The following VSIG4 variants were observed in gnomAD, a reference collection of about 807,000 sequenced individuals.
The protein encoded by VSIG4 is V-set and immunoglobulin domain containing 4.
In VSIG4, 34 loss-of-function variants were observed where a neutral mutation model predicts 23.4. That is an observed-to-expected ratio of 1.45 (90% CI 1.10 to 1.93). VSIG4 has a LOEUF of 1.93. Among genes scored for constraint, VSIG4 ranks in the 30% most tolerant of loss-of-function variants. The pLI, the probability that VSIG4 is intolerant of heterozygous loss-of-function variation, is 0.00. For synonymous variants in VSIG4, 169 were observed against 120.3 expected (o/e 1.41, Z -2.65); for missense variants, 433 against 310.8 (o/e 1.39, Z -2.96).
chrX:66,037,709 T>G (rs1280720440), intron 1 of VSIG4, among the ~76,000 whole-genome samples: 1 of 93,352 alleles, frequency 1.1e-5, no homozygotes, highest in Non-Finnish European at 2.1e-5. Flanking sequence ...TACTTATTAC[T>G]GATAAGTATA....
In VSIG4 at chrX:66,039,926, C is replaced by A. The variant is rs780563578; in HGVS notation, c.55+18G>T. On this transcript the variant is annotated intron_variant, in intron 1 of 7. Coordinates refer to ENST00000374737, the MANE Select transcript of VSIG4 (RefSeq NM_007268.3). ...GCCTAAGCCAGCAATGGCAGCCAGG[C>A]CCCCCTTTCTGCCTTACCATAAGTG... is the stretch of plus-strand genomic sequence containing the variant. The A allele has an allele frequency of 8.3e-6, 10 of 1,208,045 alleles. No individual in the cohort carries two copies. In the African/African-American group the frequency reaches 1.4e-4, roughly 17 times the overall value.
rs1327252802 is a variant in VSIG4 at position 66,022,062 on chromosome X, C to T, written c.*201G>A. 3 of 1,162,062 alleles carry T rather than the reference C, an allele frequency of 2.6e-6. No homozygotes were observed. The highest frequency in any genetic ancestry group is 2.4e-4 in the Middle Eastern group (1 of 4,225). On this transcript the variant is annotated 3_prime_UTR_variant, in exon 8 of 8. Coordinates refer to ENST00000374737, the MANE Select transcript of VSIG4 (RefSeq NM_007268.3). Reference sequence around the variant, plus strand: ...CCCCGGCAGAGATACTAGAAGGGCCCAGAGCCAAATCCAGCAGCTGGCTTA... The same window carrying T: ...CCCCGGCAGAGATACTAGAAGGGCCTAGAGCCAAATCCAGCAGCTGGCTTA...
At chrX:66,032,367 T>A in intron 3 of VSIG4, 101 bp downstream of exon 3, 11 of 1,021,741 alleles carry the variant, frequency 1.1e-5, no homozygotes, top group Admixed American at 3.0e-5. Context: ...CTGCTTGGGA[T>A]CCTCCTCTCC....
intron 3 of VSIG4, among the ~76,000 whole-genome samples, chrX:66,029,931 C>G (rs1243730433): frequency 9.0e-6 from 1 of 111,272 alleles, no homozygotes; most frequent in South Asian, 3.7e-4. Flanking sequence ...CATCAGACTA[C>G]AGGTGATATT....
At chrX:66,030,360 G>A (rs752849581) in intron 3 of VSIG4, among the ~76,000 whole-genome samples, 171 of 111,651 alleles carry the variant, frequency 1.5e-3, no homozygotes, top group African/African-American at 5.1e-3. Flanking sequence ...GTGGCAGATG[G>A]AGAGAAAGAT....
At chrX:66,037,454 A>G (rs1162132069) in intron 1 of VSIG4, among the ~76,000 whole-genome samples, 1 of 15,182 alleles carries the variant, frequency 6.6e-5, no homozygotes, top group African/African-American at 4.0e-4. Flanking sequence ...ATATAATTAT[A>G]TAATAATATA....
At chrX:66,023,772 C>T (rs890287103) in intron 6 of VSIG4, among the ~76,000 whole-genome samples, 5 of 112,320 alleles carry the variant, frequency 4.5e-5, no homozygotes, top group Non-Finnish European at 9.4e-5. Flanking sequence ...AGAAAATTGG[C>T]TAGACCCACA....
chrX:66,036,920 A>G (rs1384697227), intron 1 of VSIG4, among the ~76,000 whole-genome samples: 2 of 26,413 alleles, frequency 7.6e-5, no homozygotes, highest in South Asian at 2.2e-3. Flanking sequence ...TATATGATAT[A>G]TTATATTATA....
At chrX:66,038,446 G>A (rs2085645123) in intron 1 of VSIG4, among the ~76,000 whole-genome samples, 1 of 108,576 alleles carries the variant, frequency 9.2e-6, no homozygotes, top group Admixed American at 9.9e-5. Context: ...ATAGGCTGGG[G>A]AAGGAACAAG....
rs1233120238 is a variant in VSIG4 at position 66,033,810 on chromosome X, G to A, written c.76C>T (p.Pro26Ser). 1.7e-6 allele frequency: 2 copies of A among 1,205,274 alleles called. No homozygotes were observed. The highest frequency in any genetic ancestry group is 1.8e-5 in the African/African-American group (1 of 57,060). ...TTCCAAGGTCCTGTTACACTCTCTGGCACTTCCAGGATGGGACGGCCTGAA... is the reference window on the plus strand; with the variant it reads ...TTCCAAGGTCCTGTTACACTCTCTGACACTTCCAGGATGGGACGGCCTGAA... ...DTYGRPILEV[P>S]ESVTGPWKGD... Residue 26 changes from proline (P) to serine (S), a missense_variant, in exon 2 of 8, where the codon CCA (proline) becomes TCA (serine). Coordinates refer to ENST00000374737, the MANE Select transcript of VSIG4 (RefSeq NM_007268.3).
Position 66,033,747 on chromosome X carries a change from G to C in VSIG4, c.139C>G (p.Gln47Glu). The C allele has an allele frequency of 2.1e-5, 26 of 1,211,588 alleles. No individual in the cohort carries two copies. The highest frequency in any genetic ancestry group is 2.8e-5 in the Non-Finnish European group (25 of 895,387). The change falls in exon 2 of 8, where the codon CAA (glutamine) becomes GAA (glutamate). Residue 47 changes from glutamine (Q) to glutamate (E), a missense_variant. Gln to Glu is a conservative substitution (Grantham distance 29, BLOSUM62 2). Coordinates refer to ENST00000374737, the MANE Select transcript of VSIG4 (RefSeq NM_007268.3). ...TTCACCAAGACTTGGGTGTAGCCTT[G>C]CAGGGGGTCATAGGTGCAGGGAAGA... ...VNLPCTYDPLQGYTQVLVKWL... is the reference protein window; with the variant it reads ...VNLPCTYDPLEGYTQVLVKWL...
intron 5 of VSIG4, among the ~76,000 whole-genome samples, chrX:66,026,436 A>G (rs1159446779): frequency 2.7e-5 from 3 of 111,976 alleles, no homozygotes; most frequent in Non-Finnish European, 5.6e-5. Flanking sequence ...ACTTTGCCCA[A>G]GGTTATTTTC....
chrX:66,030,753 T>C (rs950547457), intron 3 of VSIG4, among the ~76,000 whole-genome samples: 2 of 111,518 alleles, frequency 1.8e-5, no homozygotes, highest in African/African-American at 3.3e-5. Context: ...GATAAGCAAA[T>C]AGACACACGG....
intron 3 of VSIG4, among the ~76,000 whole-genome samples, chrX:66,029,361 G>A (rs2085438414): frequency 9.0e-6 from 1 of 110,876 alleles, no homozygotes; most frequent in South Asian, 3.8e-4. Flanking sequence ...TCAAAGGTAA[G>A]GCAATAGCAT....
chrX:66,032,177 G>A (rs1383392168), intron 3 of VSIG4, among the ~76,000 whole-genome samples: 2 of 111,636 alleles, frequency 1.8e-5, no homozygotes, highest in Non-Finnish European at 3.8e-5. Context: ...CAGTTGTGGG[G>A]ATTCAATGAG....
intron 2 of VSIG4, 48 bp downstream of exon 2, chrX:66,033,426 T>G (rs1357446071): frequency 9.2e-7 from 1 of 1,085,608 alleles, no homozygotes; most frequent in Non-Finnish European, 1.2e-6. Flanking sequence ...TTACATCCAC[T>G]ATTGATTCAT....
chrX:66,026,351 A>T (rs1180669547), intron 5 of VSIG4, among the ~76,000 whole-genome samples: 1 of 112,017 alleles, frequency 8.9e-6, no homozygotes, highest in Non-Finnish European at 1.9e-5. Flanking sequence ...AAATCGAAGA[A>T]ATATTCTCTT....
At chrX:66,022,608 C>T (rs2085345827) in intron 7 of VSIG4, 108 bp from the exon 8 acceptor site, 2 of 1,143,680 alleles carry the variant, frequency 1.7e-6, no homozygotes, top group East Asian at 3.1e-5. Context: ...ATCCTACCAC[C>T]CAGGGATTCT....
intron 4 of VSIG4, 75 bp from the exon 5 acceptor site, chrX:66,027,601 G>C (rs999238503): frequency 1.2e-6 from 1 of 866,958 alleles, no homozygotes; most frequent in African/African-American, 2.0e-5. Context: ...TGGTTGCAAA[G>C]GTTGGAGTCC....
Sources: gnomAD v4.1 joint callset for allele counts (sites outside exome capture counted in the v4.1 genomes callset) on GRCh38, gnomAD v4.1.1 for gene constraint, MANE v1.5 for transcripts, NCBI Gene and HGNC (gene_info 2026-07-23, HGNC 2026-07-21) for gene names.